Variants in ASNS observed in about 807,000 individuals in gnomAD.
ASNS encodes the protein asparagine synthetase [glutamine-hydrolyzing].
ASNS carries 37 observed loss-of-function variants against 62.6 expected under a neutral mutation model. The observed-to-expected ratio is 0.59, with a 90% CI of 0.45 to 0.78. The LOEUF (loss-of-function observed/expected upper bound fraction) is 0.78, where lower values mean the gene tolerates loss of function less well. ASNS is among the 30% of genes least tolerant of loss of function. ASNS has a pLI of 0.00. For synonymous variants in ASNS, 207 were observed against 237.9 expected, an observed-to-expected ratio of 0.87 and a Z score of 1.19; for missense variants, 520 against 682.4, an observed-to-expected ratio of 0.76 and a Z score of 2.65.
At chr7:97,882,467 G>A in the ASNS span, among the ~76,000 whole-genome samples, 1 of 152,022 alleles carries the variant, frequency 6.6e-6, no homozygotes, top group Admixed American at 6.6e-5. Context: ...AGAATCGCTT[G>A]AACCAGGGAG....
At chr7:97,928,159 C>G in the ASNS span, 2 of 1,481,220 alleles carry the variant, frequency 1.4e-6, no homozygotes, top group Non-Finnish European at 1.8e-6. Context: ...TCCTCGCAGT[C>G]CTGGGGCTGT....
At chr7:97,880,919 G>T in the ASNS span, among the ~76,000 whole-genome samples, 1 of 138,406 alleles carries the variant, frequency 7.2e-6, no homozygotes, top group Non-Finnish European at 1.5e-5. Flanking sequence ...TGGTTTTTGT[G>T]TGTGTGTGTG....
the ASNS span, among the ~76,000 whole-genome samples, chr7:97,900,371 A>AAG: frequency 1.3e-5 from 2 of 150,808 alleles, no homozygotes; most frequent in Non-Finnish European, 3.0e-5. Flanking sequence ...AAAAAAAAAA[A>AAG]AAAAAAAAAA....
At chr7:97,893,136 G>T in the ASNS span, among the ~76,000 whole-genome samples, 16 of 152,234 alleles carry the variant, frequency 1.1e-4, no homozygotes, top group Admixed American at 3.3e-4. Context: ...ATGGCAGCAG[G>T]CAAAGAGAGA....
intron 6 of ASNS, 147 bp from the exon 7 acceptor site, chr7:97,858,552 A>G: frequency 1.9e-6 from 2 of 1,043,984 alleles, no homozygotes; most frequent in Non-Finnish European, 2.7e-6. Context: ...CAACTTCAAC[A>G]AGAGAAAAAT....
At chr7:97,928,226 C>G in the ASNS span, 1 of 1,527,682 alleles carries the variant, frequency 6.5e-7, no homozygotes, top group South Asian at 1.2e-5. Context: ...GGACGTCGTC[C>G]TCCTCCCTCC....
chr7:97,906,140 C>T, the ASNS span, among the ~76,000 whole-genome samples: 3,151 of 152,326 alleles, frequency 0.021, 48 homozygotes, highest in Middle Eastern at 0.058. Flanking sequence ...CTACCTCCTC[C>T]ATGCAGTTGA....
chr7:97,916,903 G>A, the ASNS span, among the ~76,000 whole-genome samples: 1 of 152,170 alleles, frequency 6.6e-6, no homozygotes, highest in African/African-American at 2.4e-5. Context: ...ACCCTATGAA[G>A]AAGACAGGAG....
chr7:97,893,797 C>T, the ASNS span, among the ~76,000 whole-genome samples: 1 of 152,182 alleles, frequency 6.6e-6, no homozygotes, highest in African/African-American at 2.4e-5. Flanking sequence ...CAATATCCTA[C>T]TCTCAGCATT....
chr7:97,924,049 T>C, the ASNS span, among the ~76,000 whole-genome samples: 1 of 152,046 alleles, frequency 6.6e-6, no homozygotes, highest in African/African-American at 2.4e-5. Flanking sequence ...TCTTTCCAAC[T>C]GAGAAACACA....
At chr7:97,907,516 C>A in the ASNS span, among the ~76,000 whole-genome samples, 1 of 152,154 alleles carries the variant, frequency 6.6e-6, no homozygotes. Context: ...CACCTGTAAT[C>A]CCAGCACTTT....
the ASNS span, among the ~76,000 whole-genome samples, chr7:97,888,901 G>A: frequency 2.0e-5 from 3 of 152,184 alleles, no homozygotes; most frequent in Non-Finnish European, 4.4e-5. Context: ...ACTACTGAGA[G>A]GCCTGAGGAA....
the ASNS span, among the ~76,000 whole-genome samples, chr7:97,905,703 G>C: frequency 2.0e-5 from 3 of 152,034 alleles, no homozygotes; most frequent in African/African-American, 7.2e-5. Context: ...CCTTTTCCAA[G>C]CTACCTTCTC....
chr7:97,922,925 G>T, the ASNS span, among the ~76,000 whole-genome samples: 1 of 152,044 alleles, frequency 6.6e-6, no homozygotes, highest in Admixed American at 6.6e-5. Context: ...CCAAGCAGCT[G>T]GGATTACAGG....
At chr7:97,918,833 G>A in the ASNS span, among the ~76,000 whole-genome samples, 1 of 152,074 alleles carries the variant, frequency 6.6e-6, no homozygotes. Context: ...TGCATGCGGG[G>A]CTTAAAACCT....
Position 97,868,938 on chromosome 7 carries a change from A to C in ASNS, c.219T>G (p.Cys73Trp). Residue 73 changes from cysteine to tryptophan, a missense_variant, in exon 3 of 13, where the codon TGT becomes TGG. Cys to Trp is a radical substitution (Grantham distance 215, BLOSUM62 -2). Transcript: ENST00000394308. The part of the protein sequence containing the change: ...RVKKYPYLWL[C>W]YNGEIYNHKK... ...TATGGTTGTAGATTTCACCATTGTA[A>C]CAGAGCCACAAATACGGATATTTCT... 6.2e-7 allele frequency: 1 copy of C among 1,614,170 alleles called. No individual in the cohort carries two copies. The highest frequency in any genetic ancestry group is 1.1e-5 in the South Asian group (1 of 91,084).
At chr7:97,918,829 C>T in the ASNS span, among the ~76,000 whole-genome samples, 6,444 of 152,036 alleles carry the variant, frequency 0.042, 314 homozygotes, top group African/African-American at 0.11. Flanking sequence ...CTAATGCATG[C>T]GGGGCTTAAA....
the ASNS span, among the ~76,000 whole-genome samples, chr7:97,918,896 T>C: frequency 3.9e-5 from 6 of 152,182 alleles, no homozygotes; most frequent in African/African-American, 1.2e-4. Flanking sequence ...TATACCTATG[T>C]AACAAACCTG....
the ASNS span, among the ~76,000 whole-genome samples, chr7:97,918,399 G>C: frequency 6.6e-6 from 1 of 152,076 alleles, no homozygotes; most frequent in Non-Finnish European, 1.5e-5. Context: ...TCAGAACACC[G>C]TCTGTGATTG....
Sources: gnomAD v4.1 joint callset for allele counts (sites outside exome capture counted in the v4.1 genomes callset) on GRCh38, gnomAD v4.1.1 for gene constraint, MANE v1.5 for transcripts, NCBI Gene and HGNC (gene_info 2026-07-23, HGNC 2026-07-21) for gene names.